SLC8A1: variants seen among roughly 807,000 people sequenced by gnomAD.
SLC8A1 encodes sodium/calcium exchanger 1.
A neutral mutation model predicts 68.3 loss-of-function variants in SLC8A1; 18 were observed. That is an observed-to-expected ratio of 0.26 (90% CI 0.18 to 0.39). SLC8A1 has a LOEUF of 0.39. Among genes scored for constraint, SLC8A1 ranks in the 10% least tolerant of loss-of-function variants. The pLI is 1.00. For missense variants in SLC8A1, 985 were observed against 1,156.7 expected, an observed-to-expected ratio of 0.85 and a Z score of 2.15; for synonymous variants, 475 against 415.5, an observed-to-expected ratio of 1.14 and a Z score of -1.74.
intron 2 of SLC8A1, among the ~76,000 whole-genome samples, chr2:40,188,552 C>T (rs1375160413): frequency 6.6e-6 from 1 of 152,238 alleles, no homozygotes; most frequent in African/African-American, 2.4e-5. Flanking sequence ...CAGACTCGTT[C>T]CAGAGATTAT....
chr2:40,295,925 G>A (rs1441707821), intron 2 of SLC8A1, among the ~76,000 whole-genome samples: 2 of 152,122 alleles, frequency 1.3e-5, no homozygotes, highest in Admixed American at 6.6e-5. Context: ...GGAGGAGAAG[G>A]GAAGAGAGAC....
chr2:40,472,973 T>G (rs1208683709), intron 1 of SLC8A1, among the ~76,000 whole-genome samples: 1 of 146,040 alleles, frequency 6.8e-6, no homozygotes, highest in Non-Finnish European at 1.5e-5. Context: ...ACAGCACAGA[T>G]AATACATACA....
chr2:40,378,474 C>A (rs996384487), intron 2 of SLC8A1, among the ~76,000 whole-genome samples: 2 of 152,054 alleles, frequency 1.3e-5, no homozygotes, highest in Non-Finnish European at 2.9e-5. Context: ...ATGGGTCTGA[C>A]AGGTAACAGG....
In SLC8A1 at chr2:40,365,316, C is replaced by A. The variant is rs151053540; in HGVS notation, c.1808+63157G>T. On this transcript the variant is annotated intron_variant, in intron 2 of 7. Transcript: ENST00000406785. ...TACATTGACATATCATATTTTTATA[C>A]TTAATTTATTGTGCATTTGCTTCAG... Among the ~76,000 whole-genome samples, 3 of 152,080 alleles carry A rather than the reference C, an allele frequency of 2.0e-5. No individual in the cohort carries two copies. The East Asian group carries it at 5.8e-4, about 30-fold the overall frequency.
chr2:40,474,091 C>A (rs1447088106), intron 1 of SLC8A1, among the ~76,000 whole-genome samples: 1 of 152,122 alleles, frequency 6.6e-6, no homozygotes, highest in Non-Finnish European at 1.5e-5. Flanking sequence ...ATGTTGAGAA[C>A]TGCCTCTCTC....
In SLC8A1 at chr2:40,178,384, C is replaced by G. The variant is rs754280036; in HGVS notation, c.1809-529G>C. On this transcript the variant is annotated intron_variant, in intron 2 of 7. Coordinates refer to ENST00000406785, the Ensembl canonical transcript of SLC8A1. ...GGGCTCAGCCCTGGAGCAGCTCCCC[C>G]ACCTTTCTTCTCACTCATCTCCACC... 8.7e-6 allele frequency: 14 copies of G among 1,613,138 alleles called. No individual in the cohort carries two copies. The East Asian group carries it at 1.8e-4, about 21-fold the overall frequency.
chr2:40,364,241 T>A (rs1337190897), intron 2 of SLC8A1, among the ~76,000 whole-genome samples: 1 of 152,060 alleles, frequency 6.6e-6, no homozygotes, highest in African/African-American at 2.4e-5. Flanking sequence ...AGTATATGAA[T>A]TAACTGATGG....
intron 2 of SLC8A1, among the ~76,000 whole-genome samples, chr2:40,256,564 T>C (rs2063954250): frequency 6.6e-6 from 1 of 152,246 alleles, no homozygotes; most frequent in Non-Finnish European, 1.5e-5. Context: ...TTCCTCTGTC[T>C]TAAATTATTC....
intron 2 of SLC8A1, among the ~76,000 whole-genome samples, chr2:40,385,282 T>G (rs1683202940): frequency 1.4e-5 from 2 of 146,440 alleles, no homozygotes; most frequent in East Asian, 1.9e-4. Context: ...TAAGGAACAG[T>G]TTTTGAGACA....
intron 6 of SLC8A1, among the ~76,000 whole-genome samples, chr2:40,154,620 C>G (rs1437108462): frequency 4.0e-5 from 6 of 150,334 alleles, no homozygotes; most frequent in Non-Finnish European, 7.4e-5. Context: ...AGCCACTGCG[C>G]CCAGCCAAAG....
chr2:40,451,633 T>TGGCA (rs940364122), intron 1 of SLC8A1, among the ~76,000 whole-genome samples: 6 of 152,066 alleles, frequency 3.9e-5, no homozygotes, highest in African/African-American at 1.4e-4. Flanking sequence ...CAGCCTGCAC[T>TGGCA]GGCAGGCAGG....
intron 1 of SLC8A1, among the ~76,000 whole-genome samples, chr2:40,486,715 T>A (rs1226759883): frequency 1.3e-5 from 2 of 151,148 alleles, no homozygotes; most frequent in Non-Finnish European, 2.9e-5. Flanking sequence ...ATGTTTTTTT[T>A]AATTTCTTTT....
chr2:40,496,352 T>A (rs1169467659), intron 1 of SLC8A1, among the ~76,000 whole-genome samples: 1 of 152,138 alleles, frequency 6.6e-6, no homozygotes, highest in Non-Finnish European at 1.5e-5. Flanking sequence ...AAAAGTATTA[T>A]TCAAAAGGAT....
At chr2:40,272,326 C>T (rs1380016618) in intron 2 of SLC8A1, among the ~76,000 whole-genome samples, 1 of 152,132 alleles carries the variant, frequency 6.6e-6, no homozygotes, top group East Asian at 1.9e-4. Flanking sequence ...TGGGAGGGTT[C>T]TTTTCCTGAT....
At chr2:40,315,018 A>G (rs192573381) in intron 2 of SLC8A1, among the ~76,000 whole-genome samples, 1 of 152,014 alleles carries the variant, frequency 6.6e-6, no homozygotes, top group Admixed American at 6.6e-5. Flanking sequence ...CACCTCCAGT[A>G]CAACGTTGAA....
intron 1 of SLC8A1, among the ~76,000 whole-genome samples, chr2:40,487,728 C>T (rs1388954934): frequency 2.6e-5 from 4 of 152,130 alleles, no homozygotes; most frequent in Non-Finnish European, 2.9e-5. Context: ...GAGAGGGGAA[C>T]AGGAGTGAAA....
intron 6 of SLC8A1, among the ~76,000 whole-genome samples, chr2:40,152,133 G>T (rs1358274633): frequency 6.6e-6 from 1 of 152,272 alleles, no homozygotes; most frequent in East Asian, 1.9e-4. Flanking sequence ...ATTAAAGTTA[G>T]AGTCCTAAAT....
chr2:40,358,650 T>A (rs980839630), intron 2 of SLC8A1, among the ~76,000 whole-genome samples: 2 of 152,218 alleles, frequency 1.3e-5, no homozygotes, highest in Admixed American at 1.3e-4. Flanking sequence ...CCCATTCAAT[T>A]GATTGATTCA....
chr2:40,314,927 T>A (rs976413767), intron 2 of SLC8A1, among the ~76,000 whole-genome samples: 2 of 152,028 alleles, frequency 1.3e-5, no homozygotes, highest in Non-Finnish European at 2.9e-5. Flanking sequence ...TAAATAATCA[T>A]GTTGTCTACG....
Sources: gnomAD v4.1 joint callset for allele counts (sites outside exome capture counted in the v4.1 genomes callset) on GRCh38, gnomAD v4.1.1 for gene constraint, MANE v1.5 for transcripts, NCBI Gene and HGNC (gene_info 2026-07-23, HGNC 2026-07-21) for gene names.